Variants in ASTN2 observed in about 807,000 individuals in gnomAD.
ASTN2 encodes the protein astrotactin-2.
In ASTN2, 54 loss-of-function variants were observed where a neutral mutation model predicts 139.8. The ratio of observed to expected loss-of-function variants is 0.39; its 90% confidence interval spans 0.31 to 0.48. The LOEUF is 0.48. Ranked by LOEUF, ASTN2 falls within the 20% of genes least tolerant of loss-of-function variation. ASTN2 has a pLI of 0.95. For synonymous variants in ASTN2, 756 were observed against 719.5 expected (o/e 1.05, Z -0.81); for missense variants, 1,565 against 1,725.1 (o/e 0.91, Z 1.64).
chr9:117,314,822 C>A, intron 1 of ASTN2, among the ~76,000 whole-genome samples: 1 of 144,130 alleles, frequency 6.9e-6, no homozygotes, highest in African/African-American at 2.5e-5. Context: ...TTTTATATAA[C>A]TATATAATTA....
At chr9:116,824,317 G>A (rs1404629338) in intron 11 of ASTN2, among the ~76,000 whole-genome samples, 2 of 152,166 alleles carry the variant, frequency 1.3e-5, no homozygotes, top group Non-Finnish European at 2.9e-5. Flanking sequence ...AATAGTATGT[G>A]GCAGAAGAGG....
intron 18 of ASTN2, among the ~76,000 whole-genome samples, chr9:116,619,994 T>C (rs1451605456): frequency 6.6e-6 from 1 of 152,080 alleles, no homozygotes; most frequent in Non-Finnish European, 1.5e-5. Context: ...AGTAGCCCCA[T>C]TGCCCAACAC....
intron 19 of ASTN2, among the ~76,000 whole-genome samples, chr9:116,554,515 T>G (rs949226002): frequency 2.0e-5 from 3 of 152,200 alleles, no homozygotes; most frequent in Non-Finnish European, 4.4e-5. Context: ...CCTCCCACAC[T>G]TTCTAATTTT....
intron 1 of ASTN2, among the ~76,000 whole-genome samples, chr9:117,346,618 G>C (rs1829226823): frequency 6.6e-6 from 1 of 152,124 alleles, no homozygotes; most frequent in Non-Finnish European, 1.5e-5. Context: ...TCGTTTAGCA[G>C]AAATAAGCAA....
intron 5 of ASTN2, among the ~76,000 whole-genome samples, chr9:117,091,670 G>A (rs1587953381): frequency 1.3e-5 from 2 of 152,188 alleles, no homozygotes; most frequent in South Asian, 4.2e-4. Flanking sequence ...TGCTGGGGAA[G>A]AGGCCCCGGG....
intron 13 of ASTN2, among the ~76,000 whole-genome samples, chr9:116,756,782 C>CACACACACACACACACAT (rs969670466): frequency 2.6e-5 from 4 of 151,454 alleles, no homozygotes; most frequent in African/African-American, 9.7e-5. Flanking sequence ...CACACACACA[C>CACACACACACACACACAT]ACACACACAC....
chr9:116,949,737 C>T (rs1229630587), intron 10 of ASTN2, among the ~76,000 whole-genome samples: 2 of 152,154 alleles, frequency 1.3e-5, no homozygotes, highest in African/African-American at 4.8e-5. Context: ...AGGGCTGGTT[C>T]CAGGGGTTAT....
chr9:117,355,102 G>A (rs1435531340), intron 1 of ASTN2, among the ~76,000 whole-genome samples: 1 of 151,710 alleles, frequency 6.6e-6, no homozygotes, highest in South Asian at 2.1e-4. Context: ...TTACTCCAGG[G>A]GTCAGGGTGG....
rs1265358495 is a variant in ASTN2, at chr9:116,803,165, G to A, written c.2396+2467C>T. 6.1e-4 allele frequency among the ~76,000 whole-genome samples: 93 copies of A among 152,030 alleles called. 1 individual carries two copies. Among genetic ancestry groups the A allele is most frequent in the Non-Finnish European group, 2.8e-4 (19 of 67,988 alleles). ...TTTATTTTTTTATTTTGTATTCCAAGCAACATTATTCTATCCATGATGTTG... is the reference window on the plus strand; with the variant it reads ...TTTATTTTTTTATTTTGTATTCCAAACAACATTATTCTATCCATGATGTTG... On this transcript the variant is annotated intron_variant, in intron 13 of 22. Transcript: ENST00000313400.
intron 13 of ASTN2, among the ~76,000 whole-genome samples, chr9:116,775,650 A>G (rs1830066992): frequency 9.5e-6 from 1 of 105,474 alleles, no homozygotes; most frequent in Admixed American, 1.0e-4. Flanking sequence ...AAAGGACAGG[A>G]AGGGAAGGGA....
intron 4 of ASTN2, among the ~76,000 whole-genome samples, chr9:117,098,974 A>G (rs573630163): frequency 4.1e-4 from 62 of 151,810 alleles, no homozygotes; most frequent in African/African-American, 1.5e-3. Flanking sequence ...CGGGTGTGGC[A>G]GCATGTACGT....
intron 20 of ASTN2, among the ~76,000 whole-genome samples, chr9:116,469,458 G>A (rs1848746188): frequency 6.6e-6 from 1 of 152,104 alleles, no homozygotes; most frequent in South Asian, 2.1e-4. Flanking sequence ...ATTCCCCTGT[G>A]CCCCTTATAA....
chr9:116,780,180 C>T (rs924968006), intron 13 of ASTN2, among the ~76,000 whole-genome samples: 1 of 152,182 alleles, frequency 6.6e-6, no homozygotes, highest in Non-Finnish European at 1.5e-5. Context: ...GACAAAGAAG[C>T]AAACGGTAGA....
chr9:117,148,813 G>A (rs1195599069), intron 3 of ASTN2, among the ~76,000 whole-genome samples: 3 of 152,056 alleles, frequency 2.0e-5, no homozygotes, highest in South Asian at 2.1e-4. Context: ...TACTGTGCAT[G>A]AGCCTCATCC....
chr9:116,826,344 G>T (rs1047170642), intron 11 of ASTN2, among the ~76,000 whole-genome samples: 1 of 152,204 alleles, frequency 6.6e-6, no homozygotes, highest in Non-Finnish European at 1.5e-5. Context: ...TCTGGTCACA[G>T]CCCACAGCTG....
At chr9:116,633,438 T>G (rs538023269) in intron 17 of ASTN2, among the ~76,000 whole-genome samples, 1 of 152,142 alleles carries the variant, frequency 6.6e-6, no homozygotes, top group African/African-American at 2.4e-5. Context: ...AGGGAAACCT[T>G]TAGCTGAGGA....
In ASTN2 at chr9:117,019,425, T is replaced by C. The variant is rs10122537; in HGVS notation, c.1424-11166A>G. 4.7e-3 allele frequency among the ~76,000 whole-genome samples: 722 copies of C among 152,210 alleles called. 3 individuals carry two copies. The highest frequency in any genetic ancestry group is 0.017 in the African/African-American group (697 of 41,542). On this transcript the variant is annotated intron_variant, in intron 6 of 22. Coordinates refer to ENST00000313400, the MANE Select transcript of ASTN2 (RefSeq NM_001365068.1). ...GTCATGTTGATGAAACAAATTTCAC[T>C]GCCAGGCACGGATGAGAACAGCTGC...
intron 10 of ASTN2, among the ~76,000 whole-genome samples, chr9:116,873,166 T>C (rs1190441861): frequency 6.6e-6 from 1 of 152,236 alleles, no homozygotes; most frequent in Non-Finnish European, 1.5e-5. Flanking sequence ...ATGTAAATGA[T>C]ACATCCCCAT....
intron 19 of ASTN2, chr9:116,568,831 A>T (rs2131682684): frequency 6.6e-6 from 1 of 152,412 alleles, no homozygotes; most frequent in South Asian, 2.1e-4. Context: ...GAAGGAGCCA[A>T]CTGGAAGGCA....
Sources: allele counts gnomAD v4.1 joint callset (sites outside exome capture counted in the v4.1 genomes callset), GRCh38; gene constraint gnomAD v4.1.1; transcripts MANE v1.5; gene names NCBI Gene and HGNC (gene_info 2026-07-23, HGNC 2026-07-21).